MVD: variants seen among roughly 807,000 people sequenced by gnomAD.
MVD encodes mevalonate diphosphate decarboxylase.
A neutral mutation model predicts 42.4 loss-of-function variants in MVD; 52 were observed. The observed-to-expected ratio is 1.23, with a 90% CI of 0.98 to 1.55. The LOEUF is 1.55. Ranked by LOEUF, MVD falls within the 40% of genes most tolerant of loss-of-function variation. MVD has a pLI of 0.00. For synonymous variants in MVD, 287 were observed against 243.2 expected, an observed-to-expected ratio of 1.18 and a Z score of -1.68; for missense variants, 663 against 572.1, an observed-to-expected ratio of 1.16 and a Z score of -1.62.
At position 88,657,911 on chromosome 16, in the gene MVD, T is replaced by C. The variant is rs1291963492; in HGVS notation, c.256+4A>G. 1 of 1,612,904 alleles carries C rather than the reference T, an allele frequency of 6.2e-7. No homozygotes were observed. The highest frequency in any genetic ancestry group is 1.1e-5 in the South Asian group (1 of 91,060). Reference sequence around the variant, plus strand: ...GGGATGGGCTTATGGGGACCCCAGCTCACTCTCCCGCAGGCAGGCCTGCAG... The same window carrying C: ...GGGATGGGCTTATGGGGACCCCAGCCCACTCTCCCGCAGGCAGGCCTGCAG... On this transcript the variant is annotated splice_donor_region_variant and intron_variant, in intron 3 of 9. Transcript: ENST00000301012.
At position 88,657,359 on chromosome 16, in the gene MVD, T is replaced by C. The variant is rs147748972; in HGVS notation, c.403+77A>G. On this transcript the variant is annotated intron_variant, in intron 4 of 9. Coordinates refer to ENST00000301012, the MANE Select transcript of MVD (RefSeq NM_002461.3). The stretch of plus-strand genomic sequence containing the variant: ...CTTTTAGCCACGCCCAGCAGTGGGC[T>C]CCCTGACCCGGGAAGAGCATGAAGT... 68 of 1,523,380 alleles carry C rather than the reference T, an allele frequency of 4.5e-5. No homozygotes were observed. In the African/African-American group the frequency reaches 7.7e-4, roughly 17 times the overall value. 94.4% of individuals were successfully genotyped at this position (1,523,380 alleles called of 1,614,324 possible).
intron 6 of MVD, 98 bp from the exon 7 acceptor site, chr16:88,655,515 ATC>A: frequency 6.6e-7 from 1 of 1,508,750 alleles, no homozygotes; most frequent in Non-Finnish European, 8.9e-7. Flanking sequence ...CTCGAGCCCC[ATC>A]TCTGCATTTG....
intron 1 of MVD, among the ~76,000 whole-genome samples, chr16:88,659,501 G>A (rs1044197164): frequency 6.6e-6 from 1 of 152,190 alleles, no homozygotes; most frequent in African/African-American, 2.4e-5. Flanking sequence ...TGAGACCCTG[G>A]ACATCACAGG....
At chr16:88,652,982 G>T (rs990388510) in intron 9 of MVD, among the ~76,000 whole-genome samples, 5 of 151,906 alleles carry the variant, frequency 3.3e-5, no homozygotes, top group Admixed American at 2.6e-4. Context: ...TGGTTGGGGT[G>T]GGGGGGTCCC....
In MVD at chr16:88,655,726, C is replaced by G; in HGVS notation, c.608G>C (p.Ser203Thr). 1 of 1,556,254 alleles carries G rather than the reference C, an allele frequency of 6.4e-7. No individual in the cohort carries two copies. The highest frequency in any genetic ancestry group is 8.7e-7 in the Non-Finnish European group (1 of 1,150,136). The change falls in exon 6 of 10, where the codon AGC (serine) becomes ACC (threonine). Residue 203 changes from serine (S) to threonine (T), a missense_variant. By Grantham distance (58) the Ser-to-Thr change is moderately conservative. Coordinates refer to ENST00000301012, the MANE Select transcript of MVD (RefSeq NM_002461.3). ...ACTGCCTGTCAGCTTCTTCTCAGCGCTCACCTGCACGAGGGAGAGACAGCC... is the reference window on the plus strand; with the variant it reads ...ACTGCCTGTCAGCTTCTTCTCAGCGGTCACCTGCACGAGGGAGAGACAGCC... Reference protein sequence around the residue: ...PELRVLILVVSAEKKLTGSTV... With the variant: ...PELRVLILVVTAEKKLTGSTV...
At chr16:88,661,421 A>G (rs971572518) in intron 1 of MVD, among the ~76,000 whole-genome samples, 2 of 152,214 alleles carry the variant, frequency 1.3e-5, no homozygotes, top group African/African-American at 4.8e-5. Context: ...CGGGGGTTTC[A>G]CCATGTTGGC....
At position 88,656,150 on chromosome 16, in the gene MVD, C is replaced by G; in HGVS notation, c.558G>C (p.Val186=). 1.9e-6 allele frequency: 3 copies of G among 1,602,174 alleles called. No individual in the cohort carries two copies. Among genetic ancestry groups the G allele is most frequent in the Non-Finnish European group, 2.5e-6 (3 of 1,179,916 alleles). ...ADGKDSIARQ[V]APESHWPELR... Reference sequence around the variant, plus strand: ...GTTCAGGCCAGTGTGACTCGGGGGCCACTTGCCGAGCGATGCTGTCCTTCC... The same window carrying G: ...GTTCAGGCCAGTGTGACTCGGGGGCGACTTGCCGAGCGATGCTGTCCTTCC... Residue 186 remains valine (V), a synonymous_variant, in exon 5 of 10, where the codon GTG becomes GTC. Coordinates refer to ENST00000301012, the MANE Select transcript of MVD (RefSeq NM_002461.3).
At chr16:88,655,802 T>C in intron 5 of MVD, 72 bp from the exon 6 acceptor site, 1 of 1,508,664 alleles carries the variant, frequency 6.6e-7, no homozygotes, top group South Asian at 1.2e-5. Context: ...CCTCAAACAC[T>C]CGGCCCTCCC....
chr16:88,655,637 C>T lies in MVD; in HGVS notation c.678+19G>A, dbSNP rs537082949. 314 of 1,548,858 alleles carry T rather than the reference C, an allele frequency of 2.0e-4. 1 individual carries two copies. The South Asian group carries it at 3.5e-3, about 17-fold the overall frequency. ...AGCGTGACTCCCAGGGCCCCGGGAC[C>T]ACCCGCTCCTGGCCTTACCCGAAGC... On this transcript the variant is annotated intron_variant, in intron 6 of 9. Coordinates refer to ENST00000301012, the MANE Select transcript of MVD (RefSeq NM_002461.3).
chr16:88,658,710 G>A lies in MVD; in HGVS notation c.81C>T (p.Arg27=), dbSNP rs370058051. 33 of 1,612,400 alleles carry A rather than the reference G, an allele frequency of 2.0e-5. No homozygotes were observed. In the Middle Eastern group the frequency reaches 5.0e-4, roughly 24 times the overall value. Residue 27 remains arginine (R), a synonymous_variant, in exon 2 of 10, where the codon CGC becomes CGT. Transcript: ENST00000301012. The part of the protein sequence containing the change: ...NIAVIKYWGK[R]DEELVLPINS... ...TGATGGGCAGAACCAGCTCTTCATCGCGCTTGCCCCCTGTAATGAACAGCC... is the reference window on the plus strand; with the variant it reads ...TGATGGGCAGAACCAGCTCTTCATCACGCTTGCCCCCTGTAATGAACAGCC...
intron 3 of MVD, 76 bp from the exon 4 acceptor site, chr16:88,657,658 G>A (rs549047377): frequency 5.1e-6 from 8 of 1,569,492 alleles, no homozygotes; most frequent in Non-Finnish European, 5.2e-6. Context: ...CCTGCCCGGG[G>A]TCACAGCTGA....
rs752905131 is a variant in MVD, at chr16:88,656,157, C to G, written c.551G>C (p.Arg184Pro). The change falls in exon 5 of 10, where the codon CGG (arginine) becomes CCG (proline). Residue 184 changes from arginine to proline, a missense_variant. Transcript: ENST00000301012. The stretch of plus-strand genomic sequence containing the variant: ...CCAGTGTGACTCGGGGGCCACTTGC[C>G]GAGCGATGCTGTCCTTCCCGTCGGC... ...EQADGKDSIA[R>P]QVAPESHWPE... The G allele has an allele frequency of 6.2e-7, 1 of 1,602,238 alleles. No individual in the cohort carries two copies. The highest frequency in any genetic ancestry group is 1.1e-5 in the South Asian group (1 of 91,076).
At chr16:88,657,694 C>G (rs1908022550) in intron 3 of MVD, 112 bp from the exon 4 acceptor site, 1 of 1,468,986 alleles carries the variant, frequency 6.8e-7, no homozygotes, top group South Asian at 1.3e-5. Flanking sequence ...CTGCCAGACT[C>G]CTCGTGGAGA....
rs780394469 is a variant in MVD, at chr16:88,657,426, G to A, written c.403+10C>T. 3 of 1,592,474 alleles carry A rather than the reference G, an allele frequency of 1.9e-6. No homozygotes were observed. In the South Asian group the frequency reaches 3.4e-5, roughly 18 times the overall value. ...GCCCAGAACCCCTGCGGGTCTCTGTGGGCACCCACCTAGGCAGGCATAGCC... is the reference window on the plus strand; with the variant it reads ...GCCCAGAACCCCTGCGGGTCTCTGTAGGCACCCACCTAGGCAGGCATAGCC... On this transcript the variant is annotated intron_variant, in intron 4 of 9. Transcript: ENST00000301012.
At chr16:88,656,031 C>G in intron 5 of MVD, 74 bp downstream of exon 5, 1 of 1,518,394 alleles carries the variant, frequency 6.6e-7, no homozygotes, top group Non-Finnish European at 8.8e-7. Context: ...CGCCTTCGCT[C>G]CTGCTCCCGG....
At chr16:88,662,950 C>T (rs1246474113) in intron 1 of MVD, 61 bp downstream of exon 1, 3 of 1,556,222 alleles carry the variant, frequency 1.9e-6, no homozygotes, top group East Asian at 2.4e-5. Context: ...CAGCGCGCGA[C>T]CCCCGCGTAC....
intron 1 of MVD, 187 bp downstream of exon 1, chr16:88,662,824 G>C (rs1437893386): frequency 6.9e-7 from 1 of 1,456,538 alleles, no homozygotes; most frequent in Non-Finnish European, 9.0e-7. Flanking sequence ...GTGGCGCCGA[G>C]CTTGTCACGC....
chr16:88,657,654 C>T (rs1265615389), intron 3 of MVD, 72 bp from the exon 4 acceptor site: 20 of 1,572,844 alleles, frequency 1.3e-5, no homozygotes, highest in South Asian at 8.1e-5. Flanking sequence ...CCCACCTGCC[C>T]GGGGTCACAG....
intron 1 of MVD, among the ~76,000 whole-genome samples, chr16:88,660,235 T>C (rs1908205256): frequency 1.3e-5 from 2 of 152,128 alleles, no homozygotes; most frequent in Non-Finnish European, 2.9e-5. Context: ...TCTGCCTCCT[T>C]ATCTTGAGCC....
Sources: gnomAD v4.1 joint callset for allele counts (sites outside exome capture counted in the v4.1 genomes callset) on GRCh38, gnomAD v4.1.1 for gene constraint, MANE v1.5 for transcripts, NCBI Gene and HGNC (gene_info 2026-07-23, HGNC 2026-07-21) for gene names.